The following ARHGAP15 variants were observed in gnomAD, a reference collection of about 807,000 sequenced individuals.
The protein encoded by ARHGAP15 is rho GTPase-activating protein 15.
A neutral mutation model predicts 63.7 loss-of-function variants in ARHGAP15; 51 were observed. The ratio of observed to expected loss-of-function variants is 0.80; its 90% CI spans 0.64 to 1.01. The LOEUF (loss-of-function observed/expected upper bound fraction) is 1.01, where lower values mean the gene tolerates loss of function less well. Among genes scored for constraint, ARHGAP15 ranks in the 50% least tolerant of loss-of-function variants. ARHGAP15 has a pLI of 0.00. For missense variants in ARHGAP15, 560 were observed against 564.6 expected, an observed-to-expected ratio of 0.99 and a Z score of 0.08; for synonymous variants, 191 against 193.8, an observed-to-expected ratio of 0.99 and a Z score of 0.12.
chr2:143,413,737 G>T (rs550505468), intron 6 of ARHGAP15, among the ~76,000 whole-genome samples: 2 of 152,098 alleles, frequency 1.3e-5, no homozygotes, highest in Non-Finnish European at 2.9e-5. Context: ...ACCTCCCAAA[G>T]TGTTGGTATT....
chr2:143,386,259 A>G (rs1481483179), intron 6 of ARHGAP15, among the ~76,000 whole-genome samples: 2 of 152,178 alleles, frequency 1.3e-5, no homozygotes, highest in African/African-American at 4.8e-5. Flanking sequence ...GGTTTTTCCA[A>G]GGAAAAAAAT....
rs1317859080 is a variant in ARHGAP15 at position 143,134,193 on chromosome 2, CTACCTAT to C, written c.-15+4728_-15+4734del. Among the ~76,000 whole-genome samples, 574 of 147,950 alleles carry C rather than the reference CTACCTAT, an allele frequency of 3.9e-3. 2 individuals carry two copies. The highest frequency in any genetic ancestry group is 0.013 in the African/African-American group (527 of 40,744). On this transcript the variant is annotated intron_variant, in intron 1 of 13. Transcript: ENST00000295095. ...ATCTATCTATCTATCATCTATCTAT[CTACCTAT>C]CTATCTATCACACATTTCCAGAAAT... is the stretch of plus-strand genomic sequence containing the variant.
intron 2 of ARHGAP15, among the ~76,000 whole-genome samples, chr2:143,163,917 G>A (rs1690398083): frequency 6.6e-6 from 1 of 152,040 alleles, no homozygotes; most frequent in Admixed American, 6.6e-5. Context: ...TTGCCTTTCT[G>A]CTCCTCAGAG....
rs561783998 is a variant in ARHGAP15 at position 143,626,664 on chromosome 2, G to A, written c.1138+2397G>A. On this transcript the variant is annotated intron_variant, in intron 12 of 13. Transcript: ENST00000295095. ...GAATGCCCTTTTTTCAATCCTCCCC[G>A]CGATTGGCTACTTTTAGAATCCTGC... Among the ~76,000 whole-genome samples, 65 of 152,052 alleles carry A rather than the reference G, an allele frequency of 4.3e-4. 1 individual carries two copies. The highest frequency in any genetic ancestry group is 1.2e-3 in the East Asian group (6 of 5,152).
intron 3 of ARHGAP15, among the ~76,000 whole-genome samples, chr2:143,213,841 G>T (rs1410336459): frequency 6.6e-6 from 1 of 152,162 alleles, no homozygotes; most frequent in Non-Finnish European, 1.5e-5. Flanking sequence ...CAAGACCATG[G>T]AACTGGCTCA....
intron 12 of ARHGAP15, among the ~76,000 whole-genome samples, chr2:143,657,345 T>C (rs1681508297): frequency 1.3e-5 from 2 of 152,186 alleles, no homozygotes; most frequent in African/African-American, 4.8e-5. Context: ...AGGCTCCGCA[T>C]CTTAAAAACA....
chr2:143,624,186 G>A lies in ARHGAP15; in HGVS notation c.1057G>A (p.Gly353Arg), dbSNP rs1416890324. 5 of 1,613,422 alleles carry A rather than the reference G, an allele frequency of 3.1e-6. No individual in the cohort carries two copies. The highest frequency in any genetic ancestry group is 2.2e-5 in the East Asian group (1 of 44,838). The change falls in exon 12 of 14, where the codon GGA becomes AGA. Residue 353 changes from glycine (G) to arginine (R), a missense_variant. Gly to Arg is a moderately radical substitution (Grantham distance 125, BLOSUM62 -2). Transcript: ENST00000295095. The stretch of plus-strand genomic sequence containing the variant: ...GTGGGAGGACATCCACGTTGTCACC[G>A]GAGCACTGAAGATGTTTTTCCGGGA... Reference protein sequence around the residue: ...SQWEDIHVVTGALKMFFRELP... With the variant: ...SQWEDIHVVTRALKMFFRELP...
rs566871487 is a variant in ARHGAP15, at chr2:143,536,823, G to A, written c.925+17459G>A. ...AGTCTTTGCTATTGTGAATAGTGCC[G>A]CAATAAACATACGTGTGCATGTGTC... On this transcript the variant is annotated intron_variant, in intron 10 of 13. Coordinates refer to ENST00000295095, the MANE Select transcript of ARHGAP15 (RefSeq NM_018460.4). Among the ~76,000 whole-genome samples, 71 of 150,602 alleles carry A rather than the reference G, an allele frequency of 4.7e-4. No individual in the cohort carries two copies. The East Asian group carries it at 0.011, about 23-fold the overall frequency.
intron 6 of ARHGAP15, among the ~76,000 whole-genome samples, chr2:143,286,867 G>A (rs918213850): frequency 6.6e-6 from 1 of 152,096 alleles, no homozygotes; most frequent in African/African-American, 2.4e-5. Context: ...GTGATATGAT[G>A]GAACCTATTG....
chr2:143,323,984 A>T (rs1447403621), intron 6 of ARHGAP15, among the ~76,000 whole-genome samples: 4 of 151,146 alleles, frequency 2.6e-5, no homozygotes, highest in African/African-American at 9.8e-5. Context: ...GGATTTCCTT[A>T]AAATGCTTTA....
At chr2:143,664,309 G>C (rs1341929391) in intron 12 of ARHGAP15, among the ~76,000 whole-genome samples, 5 of 151,336 alleles carry the variant, frequency 3.3e-5, no homozygotes, top group African/African-American at 9.7e-5. Context: ...ACCTGCTCCT[G>C]AATGACTACT....
In ARHGAP15 at chr2:143,724,263, GTGTCAC is replaced by G. The variant is rs1685187334; in HGVS notation, c.1244+20740_1244+20745del. Among the ~76,000 whole-genome samples, 3 of 152,130 alleles carry G rather than the reference GTGTCAC, an allele frequency of 2.0e-5. No individual in the cohort carries two copies. The East Asian group carries it at 5.8e-4, about 29-fold the overall frequency. On this transcript the variant is annotated intron_variant, in intron 13 of 13. Transcript: ENST00000295095. ...GCATCCTAGGTTTATGACTCTAACCGTGTCACCTTGGATAACAGCTTCTCTGAGTGT... is the reference window on the plus strand; with the variant it reads ...GCATCCTAGGTTTATGACTCTAACCGCTTGGATAACAGCTTCTCTGAGTGT...
chr2:143,385,544 C>T (rs908414692), intron 6 of ARHGAP15, among the ~76,000 whole-genome samples: 1 of 152,020 alleles, frequency 6.6e-6, no homozygotes. Flanking sequence ...ACTAAAATTA[C>T]CTGAATGTAT....
At position 143,322,874 on chromosome 2, in the gene ARHGAP15, C is replaced by T. The variant is rs1379348206; in HGVS notation, c.474+72274C>T. On this transcript the variant is annotated intron_variant, in intron 6 of 13. Transcript: ENST00000295095. ...AATGTTGTAAGTAAGCAACACTATT[C>T]CATTTGCAATGATATGAACTTAATT... 3.3e-5 allele frequency among the ~76,000 whole-genome samples: 5 copies of T among 152,260 alleles called. No homozygotes were observed. In the East Asian group the frequency reaches 5.8e-4, roughly 18 times the overall value.
intron 6 of ARHGAP15, among the ~76,000 whole-genome samples, chr2:143,325,778 T>C (rs1404734163): frequency 1.3e-5 from 2 of 152,194 alleles, no homozygotes; most frequent in African/African-American, 2.4e-5. Flanking sequence ...TGCTTCTATG[T>C]TGGTTATACT....
chr2:143,487,229 C>T (rs1010002364), intron 8 of ARHGAP15, 144 bp from the exon 9 acceptor site: 44 of 916,468 alleles, frequency 4.8e-5, no homozygotes, highest in Non-Finnish European at 7.1e-5. Flanking sequence ...AAATTTTACT[C>T]ACATGGCTTG....
intron 11 of ARHGAP15, among the ~76,000 whole-genome samples, chr2:143,567,921 A>T (rs1004797212): frequency 6.6e-6 from 1 of 152,202 alleles, no homozygotes; most frequent in African/African-American, 2.4e-5. Context: ...GAAATTAGCT[A>T]AGGGTATAAA....
intron 13 of ARHGAP15, among the ~76,000 whole-genome samples, chr2:143,732,268 A>C (rs1419453627): frequency 6.6e-6 from 1 of 152,214 alleles, no homozygotes. Context: ...GGAATGAAGC[A>C]AGCCTGGAAT....
At chr2:143,264,981 G>A (rs1680917380) in intron 6 of ARHGAP15, among the ~76,000 whole-genome samples, 2 of 152,262 alleles carry the variant, frequency 1.3e-5, no homozygotes, top group South Asian at 4.1e-4. Context: ...AGAAATAGCT[G>A]CCTAACAAAG....
Sources: allele counts gnomAD v4.1 joint callset (sites outside exome capture counted in the v4.1 genomes callset), GRCh38; gene constraint gnomAD v4.1.1; transcripts MANE v1.5; gene names NCBI Gene and HGNC (gene_info 2026-07-23, HGNC 2026-07-21).